AGBL1: variants seen among roughly 807,000 people sequenced by gnomAD.
AGBL1 encodes the protein AGBL carboxypeptidase 1.
A neutral mutation model predicts 118.9 loss-of-function variants in AGBL1; 130 were observed. The observed-to-expected ratio is 1.09, with a 90% confidence interval of 0.95 to 1.26. The LOEUF is 1.26. Ranked by LOEUF, AGBL1 falls within the 50% of genes most tolerant of loss-of-function variation. The pLI, the probability that AGBL1 is intolerant of heterozygous loss-of-function variation, is 0.00. For synonymous variants in AGBL1, 555 were observed against 478.9 expected, an observed-to-expected ratio of 1.16 and a Z score of -2.08; for missense variants, 1,584 against 1,298.1, an observed-to-expected ratio of 1.22 and a Z score of -3.38.
intron 17 of AGBL1, among the ~76,000 whole-genome samples, chr15:86,365,216 A>G (rs190963129): frequency 6.6e-6 from 1 of 152,222 alleles, no homozygotes; most frequent in East Asian, 1.9e-4. Context: ...ATGTTTTAAA[A>G]TTGGATTAAT....
At chr15:86,213,924 C>T (rs898722994) in intron 5 of AGBL1, among the ~76,000 whole-genome samples, 1 of 152,168 alleles carries the variant, frequency 6.6e-6, no homozygotes, top group South Asian at 2.1e-4. Context: ...TCCCACTCCC[C>T]TTCCCCTCAA....
intron 22 of AGBL1, among the ~76,000 whole-genome samples, chr15:86,793,132 C>G (rs568653416): frequency 1.4e-4 from 22 of 152,206 alleles, no homozygotes; most frequent in African/African-American, 5.1e-4. Flanking sequence ...CATGATAAAA[C>G]ATTTATTATG....
intron 5 of AGBL1, among the ~76,000 whole-genome samples, chr15:86,169,264 C>T (rs2141745396): frequency 6.6e-6 from 1 of 152,228 alleles, no homozygotes; most frequent in East Asian, 1.9e-4. Flanking sequence ...CAGGGATTAC[C>T]CTCAGGTATT....
rs1254924310 is a variant in AGBL1, at chr15:87,021,917, A to G, written c.3324-6908A>G. Reference sequence around the variant, plus strand: ...TCCTGCAGGACCCAGGAGACATGCCAAATACTCTGCTGGTATTCACGGCTG... The same window carrying G: ...TCCTGCAGGACCCAGGAGACATGCCGAATACTCTGCTGGTATTCACGGCTG... On this transcript the variant is annotated intron_variant, in intron 24 of 24. Transcript: ENST00000441037. Among the ~76,000 whole-genome samples the G allele has an allele frequency of 2.6e-5, 4 of 152,126 alleles. No individual in the cohort carries two copies. In the South Asian group the frequency reaches 8.3e-4, roughly 31 times the overall value.
intron 22 of AGBL1, among the ~76,000 whole-genome samples, chr15:86,906,879 G>A (rs1161108205): frequency 6.6e-6 from 1 of 152,136 alleles, no homozygotes; most frequent in African/African-American, 2.4e-5. Context: ...AAGGAGCAGT[G>A]ATCTGAGGTT....
intron 6 of AGBL1, among the ~76,000 whole-genome samples, chr15:86,227,725 A>G (rs1465143342): frequency 6.6e-6 from 1 of 152,262 alleles, no homozygotes; most frequent in Non-Finnish European, 1.5e-5. Flanking sequence ...CACTTCTTGC[A>G]TAATTGATGT....
At chr15:86,286,316 A>T (rs2079446431) in intron 16 of AGBL1, among the ~76,000 whole-genome samples, 1 of 152,094 alleles carries the variant, frequency 6.6e-6, no homozygotes. Flanking sequence ...TGGTGAGAAC[A>T]CTTAAAATTA....
intron 17 of AGBL1, among the ~76,000 whole-genome samples, chr15:86,335,967 C>T (rs192097348): frequency 2.6e-5 from 4 of 152,314 alleles, no homozygotes; most frequent in East Asian, 1.9e-4. Flanking sequence ...CAGCCCCTCT[C>T]GCACAGTGAT....
At chr15:86,091,730 G>A (rs1845931) in intron 1 of AGBL1, among the ~76,000 whole-genome samples, 47,602 of 151,916 alleles carry the variant, frequency 0.31, 7,919 homozygotes, top group African/African-American at 0.43. Flanking sequence ...AGCGAATGAA[G>A]CTCTTAAAGG....
intron 22 of AGBL1, among the ~76,000 whole-genome samples, chr15:86,895,106 T>TTTTA (rs1230122061): frequency 6.6e-6 from 1 of 151,940 alleles, no homozygotes; most frequent in Non-Finnish European, 1.5e-5. Context: ...CTTCCCTTTC[T>TTTTA]TTTTTCCTTC....
chr15:86,535,327 G>A (rs919100649), intron 19 of AGBL1, among the ~76,000 whole-genome samples: 2 of 152,206 alleles, frequency 1.3e-5, no homozygotes, highest in African/African-American at 4.8e-5. Context: ...AAGCCAAGAG[G>A]CTCATGGCCA....
chr15:86,467,617 A>T (rs2082423838), intron 18 of AGBL1, among the ~76,000 whole-genome samples: 1 of 152,190 alleles, frequency 6.6e-6, no homozygotes. Context: ...CATCTGAGGG[A>T]ATCTCCTGGT....
chr15:86,985,962 C>G (rs558612313), intron 23 of AGBL1, among the ~76,000 whole-genome samples: 17 of 147,724 alleles, frequency 1.2e-4, no homozygotes, highest in African/African-American at 2.3e-4. Flanking sequence ...TTCCCTCTTT[C>G]GCCTAGGCTG....
chr15:86,926,353 T>C lies in AGBL1; in HGVS notation c.3222-61634T>C, dbSNP rs149335240. Reference sequence around the variant, plus strand: ...CATTCGTTCTGGTCCTAGAAACTTATTGAGACTTTGAACCATTCAGGCCAG... The same window carrying C: ...CATTCGTTCTGGTCCTAGAAACTTACTGAGACTTTGAACCATTCAGGCCAG... On this transcript the variant is annotated intron_variant, in intron 23 of 24. Coordinates refer to the AGBL1 transcript ENST00000441037. Among the ~76,000 whole-genome samples the C allele has an allele frequency of 5.9e-5, 9 of 152,362 alleles. No homozygotes were observed. The East Asian group carries it at 1.7e-3, about 29-fold the overall frequency.
intron 22 of AGBL1, among the ~76,000 whole-genome samples, chr15:86,874,767 A>C (rs1490473458): frequency 1.3e-5 from 2 of 152,230 alleles, no homozygotes; most frequent in Non-Finnish European, 2.9e-5. Context: ...CTTTTTATGC[A>C]GTGGCCCAGT....
At chr15:86,849,513 C>CTTTTTTTTTT (rs1432477083) in intron 22 of AGBL1, among the ~76,000 whole-genome samples, 1 of 87,714 alleles carries the variant, frequency 1.1e-5, no homozygotes, top group Admixed American at 1.2e-4. Context: ...TTCTTTCTTT[C>CTTTTTTTTTT]TTTCTTTTTT....
intron 17 of AGBL1, among the ~76,000 whole-genome samples, chr15:86,302,946 T>C (rs1030670948): frequency 1.3e-5 from 2 of 152,162 alleles, no homozygotes; most frequent in African/African-American, 4.8e-5. Context: ...AATTATGAGC[T>C]AATAGGATGT....
intron 22 of AGBL1, among the ~76,000 whole-genome samples, chr15:86,796,071 C>T (rs1457064026): frequency 6.6e-6 from 1 of 152,072 alleles, no homozygotes; most frequent in Admixed American, 6.5e-5. Flanking sequence ...CTCTATGAGG[C>T]ACACATTGGT....
chr15:86,545,616 C>T (rs999741780), intron 19 of AGBL1, among the ~76,000 whole-genome samples: 1 of 152,112 alleles, frequency 6.6e-6, no homozygotes, highest in Non-Finnish European at 1.5e-5. Flanking sequence ...CATGTGTTCT[C>T]ATCAAATTGT....
Sources: allele counts gnomAD v4.1 joint callset (sites outside exome capture counted in the v4.1 genomes callset), GRCh38; gene constraint gnomAD v4.1.1; transcripts MANE v1.5; gene names NCBI Gene and HGNC (gene_info 2026-07-23, HGNC 2026-07-21).